CA8: variants seen among roughly 807,000 people sequenced by gnomAD.
CA8 encodes carbonic anhydrase-related protein.
Under a neutral mutation model 41.4 loss-of-function variants are expected in CA8, and 22 were observed. The ratio of observed to expected loss-of-function variants is 0.53; its 90% CI spans 0.38 to 0.76. The LOEUF is 0.76. CA8 is among the 30% of genes least tolerant of loss of function. The pLI is 0.00. For synonymous variants in CA8, 121 were observed against 130.6 expected, an observed-to-expected ratio of 0.93 and a Z score of 0.50; for missense variants, 270 against 352.8, an observed-to-expected ratio of 0.77 and a Z score of 1.88.
intron 2 of CA8, among the ~76,000 whole-genome samples, chr8:60,271,336 AAAAG>A (rs1458139368): frequency 6.6e-6 from 1 of 152,202 alleles, no homozygotes; most frequent in Non-Finnish European, 1.5e-5. Context: ...CCTGAAAAAA[AAAAG>A]AAAGAAGAGA....
chr8:60,236,888 G>C (rs1471475363), intron 3 of CA8, among the ~76,000 whole-genome samples: 1 of 152,178 alleles, frequency 6.6e-6, no homozygotes, highest in Non-Finnish European at 1.5e-5. Context: ...AAAAGCACAT[G>C]ATACTACAGA....
At chr8:60,198,295 A>G (rs1806334834) in intron 8 of CA8, among the ~76,000 whole-genome samples, 1 of 152,198 alleles carries the variant, frequency 6.6e-6, no homozygotes, top group South Asian at 2.1e-4. Flanking sequence ...GGACTAAATG[A>G]GACAAAATAC....
intron 7 of CA8, among the ~76,000 whole-genome samples, chr8:60,219,604 A>T (rs1807163973): frequency 1.3e-5 from 2 of 152,080 alleles, no homozygotes; most frequent in African/African-American, 4.8e-5. Context: ...AAAGGCAGAA[A>T]CCTCCTCTAA....
At chr8:60,253,496 C>A (rs1288503923) in intron 3 of CA8, among the ~76,000 whole-genome samples, 3 of 152,148 alleles carry the variant, frequency 2.0e-5, no homozygotes, top group Non-Finnish European at 4.4e-5. Flanking sequence ...ATCTCTCACA[C>A]CACCTCTTCT....
chr8:60,264,026 C>T (rs141317077), intron 3 of CA8, among the ~76,000 whole-genome samples: 5 of 152,172 alleles, frequency 3.3e-5, no homozygotes, highest in East Asian at 1.9e-4. Context: ...ATCCTAAATA[C>T]AAATATTTCT....
chr8:60,210,363 G>A (rs1386779008), intron 7 of CA8, among the ~76,000 whole-genome samples: 1 of 152,114 alleles, frequency 6.6e-6, no homozygotes, highest in Admixed American at 6.5e-5. Flanking sequence ...AAAGAGAAAT[G>A]AAACACAAGA....
intron 2 of CA8, 48 bp downstream of exon 2, chr8:60,279,641 C>A: frequency 6.7e-7 from 1 of 1,495,894 alleles, no homozygotes; most frequent in South Asian, 1.1e-5. Context: ...AATAACTCTA[C>A]GCTGACTTCT....
At chr8:60,209,058 A>G (rs1466465671) in intron 7 of CA8, 139 bp from the exon 8 acceptor site, 3 of 972,390 alleles carry the variant, frequency 3.1e-6, no homozygotes, top group Non-Finnish European at 4.6e-6. Flanking sequence ...CTTCAAAAAG[A>G]AAAAAAACAG....
At chr8:60,256,436 G>A (rs992601019) in intron 3 of CA8, among the ~76,000 whole-genome samples, 3 of 152,120 alleles carry the variant, frequency 2.0e-5, no homozygotes, top group Admixed American at 1.3e-4. Context: ...GAGGACTCAC[G>A]GTATGTTGTT....
intron 3 of CA8, among the ~76,000 whole-genome samples, chr8:60,239,927 C>A (rs565459073): frequency 1.3e-5 from 2 of 152,180 alleles, no homozygotes; most frequent in African/African-American, 2.4e-5. Context: ...TCCTCAGCCA[C>A]GTGGAACTGT....
intron 2 of CA8, among the ~76,000 whole-genome samples, chr8:60,275,215 C>G (rs995259065): frequency 5.3e-5 from 8 of 152,190 alleles, no homozygotes; most frequent in Non-Finnish European, 1.0e-4. Context: ...TGAAGCCCAA[C>G]AGCCCTCAAT....
chr8:60,215,781 A>G (rs1806999590), intron 7 of CA8, among the ~76,000 whole-genome samples: 1 of 152,122 alleles, frequency 6.6e-6, no homozygotes. Flanking sequence ...GATGGGCTTA[A>G]CAGTCCACAC....
chr8:60,236,466 C>A (rs1249470372), intron 3 of CA8, among the ~76,000 whole-genome samples: 1 of 152,060 alleles, frequency 6.6e-6, no homozygotes, highest in Non-Finnish European at 1.5e-5. Flanking sequence ...AGAACCCTGA[C>A]TAATACAGAT....
At chr8:60,263,032 G>A (rs1384760130) in intron 3 of CA8, among the ~76,000 whole-genome samples, 8 of 152,154 alleles carry the variant, frequency 5.3e-5, no homozygotes, top group African/African-American at 9.7e-5. Context: ...AAGACAGCTC[G>A]ATGGATTTCT....
chr8:60,207,004 C>G lies in CA8; in HGVS notation c.*35+1746G>C, dbSNP rs547451887. Among the ~76,000 whole-genome samples the G allele has an allele frequency of 3.3e-5, 5 of 152,288 alleles. No individual in the cohort carries two copies. The South Asian group carries it at 1.0e-3, about 32-fold the overall frequency. The stretch of plus-strand genomic sequence containing the variant: ...CTGTTGCTGCGGCCTCCTGCCCCAC[C>G]CCAGCCCACCAAGGTGGCTGCGACC... On this transcript the variant is annotated intron_variant, in intron 8 of 8. Transcript: ENST00000317995.
At chr8:60,277,284 C>T (rs1261090166) in intron 2 of CA8, among the ~76,000 whole-genome samples, 2 of 151,826 alleles carry the variant, frequency 1.3e-5, no homozygotes, top group Non-Finnish European at 1.5e-5. Context: ...TACTAGGGAA[C>T]AGCAGCCGTA....
chr8:60,262,202 C>T (rs1221234428), intron 3 of CA8, among the ~76,000 whole-genome samples: 1 of 152,076 alleles, frequency 6.6e-6, no homozygotes, highest in African/African-American at 2.4e-5. Flanking sequence ...ATAGAATATA[C>T]AGCCTGAATG....
intron 3 of CA8, among the ~76,000 whole-genome samples, chr8:60,247,404 C>T (rs1808286079): frequency 6.6e-6 from 1 of 152,122 alleles, no homozygotes; most frequent in African/African-American, 2.4e-5. Context: ...TCTCCCTCCC[C>T]TTCCGCTCCA....
At chr8:60,223,174 T>G (rs1807308375) in intron 6 of CA8, among the ~76,000 whole-genome samples, 1 of 152,256 alleles carries the variant, frequency 6.6e-6, no homozygotes, top group Non-Finnish European at 1.5e-5. Flanking sequence ...ATATTAATGT[T>G]ATATTTCAGA....
Sources: allele counts gnomAD v4.1 joint callset (sites outside exome capture counted in the v4.1 genomes callset), GRCh38; gene constraint gnomAD v4.1.1; transcripts MANE v1.5; gene names NCBI Gene and HGNC (gene_info 2026-07-23, HGNC 2026-07-21).